DNM3: variants seen among roughly 807,000 people sequenced by gnomAD.
DNM3 encodes the protein dynamin 3, also known as dynamin-3.
A neutral mutation model predicts 101.6 loss-of-function variants in DNM3; 47 were observed. That is an observed-to-expected ratio of 0.46 (90% CI 0.37 to 0.59). The LOEUF (loss-of-function observed/expected upper bound fraction) is 0.59. Among genes scored for constraint, DNM3 ranks in the 20% least tolerant of loss-of-function variants. The pLI, the probability that DNM3 is intolerant of heterozygous loss-of-function variation, is 0.00. For missense variants in DNM3, 849 were observed against 1,085.7 expected (o/e 0.78, Z 3.06); for synonymous variants, 385 against 387.9 (o/e 0.99, Z 0.09).
chr1:172,069,629 CA>C (rs2051996784), intron 11 of DNM3, among the ~76,000 whole-genome samples: 1 of 152,136 alleles, frequency 6.6e-6, no homozygotes, highest in Non-Finnish European at 1.5e-5. Context: ...AATATTATAA[CA>C]GGAAATACAA....
At chr1:172,140,473 C>T (rs1004238140) in intron 14 of DNM3, 2 of 151,854 alleles carry the variant, frequency 1.3e-5, no homozygotes, top group African/African-American at 4.8e-5. Context: ...TAGAGTGATT[C>T]ACTTACAAAG....
intron 2 of DNM3, among the ~76,000 whole-genome samples, chr1:171,960,919 C>T (rs2043173449): frequency 2.0e-5 from 3 of 152,036 alleles, no homozygotes; most frequent in Non-Finnish European, 1.5e-5. Flanking sequence ...AGTTCTTCTG[C>T]TGAGGATGAG....
chr1:171,936,514 T>C (rs894279118), intron 2 of DNM3, among the ~76,000 whole-genome samples: 1 of 152,162 alleles, frequency 6.6e-6, no homozygotes, highest in Non-Finnish European at 1.5e-5. Context: ...TCAATGACAT[T>C]AGTATAAGAA....
chr1:172,223,202 T>C (rs1194729300), intron 14 of DNM3, among the ~76,000 whole-genome samples: 1 of 151,896 alleles, frequency 6.6e-6, no homozygotes, highest in Non-Finnish European at 1.5e-5. Context: ...ACTTTGTATC[T>C]GTTGATCTCT....
intron 18 of DNM3, among the ~76,000 whole-genome samples, chr1:172,384,424 C>T (rs1289790737): frequency 6.6e-6 from 1 of 152,132 alleles, no homozygotes; most frequent in East Asian, 1.9e-4. Flanking sequence ...TGTATTCATT[C>T]CTTCCTTTAA....
intron 13 of DNM3, among the ~76,000 whole-genome samples, chr1:172,108,190 A>G (rs971564917): frequency 6.6e-5 from 10 of 152,070 alleles, no homozygotes; most frequent in Non-Finnish European, 1.2e-4. Context: ...AGATATGTAT[A>G]TGTCTTCTAA....
At chr1:172,225,136 T>TG (rs1339195485) in intron 14 of DNM3, among the ~76,000 whole-genome samples, 3 of 119,926 alleles carry the variant, frequency 2.5e-5, no homozygotes, top group Non-Finnish European at 5.2e-5. Context: ...TTCTTCCTCT[T>TG]TTTTTTTTTT....
At chr1:172,397,856 C>T (rs950528904) in intron 20 of DNM3, among the ~76,000 whole-genome samples, 7 of 152,000 alleles carry the variant, frequency 4.6e-5, no homozygotes, top group East Asian at 1.9e-4. Context: ...GACTGAAAAA[C>T]GCATGGAGTT....
At chr1:172,118,968 A>G (rs978546942) in intron 13 of DNM3, among the ~76,000 whole-genome samples, 8 of 151,720 alleles carry the variant, frequency 5.3e-5, no homozygotes, top group African/African-American at 1.9e-4. Context: ...GGGATTGGTC[A>G]GGCTGATGTC....
intron 17 of DNM3, among the ~76,000 whole-genome samples, chr1:172,355,782 C>G (rs1393059316): frequency 6.6e-6 from 1 of 152,056 alleles, no homozygotes; most frequent in African/African-American, 2.4e-5. Flanking sequence ...GAAGGACAGG[C>G]TGTGAAGATC....
At chr1:172,256,931 AGT>A (rs1345636253) in intron 15 of DNM3, among the ~76,000 whole-genome samples, 1 of 151,256 alleles carries the variant, frequency 6.6e-6, no homozygotes, top group Non-Finnish European at 1.5e-5. Context: ...GCTATTTAAA[AGT>A]GTGTTTTACA....
At chr1:172,334,334 T>A (rs2066324267) in intron 17 of DNM3, among the ~76,000 whole-genome samples, 1 of 152,186 alleles carries the variant, frequency 6.6e-6, no homozygotes. Flanking sequence ...TCCAGGGAAC[T>A]TTTGGTAATG....
At chr1:172,169,440 G>A (rs995403756) in intron 14 of DNM3, among the ~76,000 whole-genome samples, 12 of 151,890 alleles carry the variant, frequency 7.9e-5, no homozygotes, top group East Asian at 1.9e-4. Context: ...CCTATCATTG[G>A]GCATTTAGTC....
chr1:172,166,295 A>T (rs1161942950), intron 14 of DNM3, among the ~76,000 whole-genome samples: 1 of 152,110 alleles, frequency 6.6e-6, no homozygotes, highest in African/African-American at 2.4e-5. Context: ...TAAATAGGTG[A>T]TTAGCTTTCA....
chr1:172,299,347 G>A (rs1189346698), intron 15 of DNM3, among the ~76,000 whole-genome samples: 1 of 152,208 alleles, frequency 6.6e-6, no homozygotes, highest in Admixed American at 6.5e-5. Flanking sequence ...TCTTACTTCA[G>A]AAGATCATGA....
chr1:172,206,151 A>T (rs562566348), intron 14 of DNM3, among the ~76,000 whole-genome samples: 1 of 152,210 alleles, frequency 6.6e-6, no homozygotes, highest in Admixed American at 6.6e-5. Context: ...AGTTTTGCAA[A>T]ATTCGAATTT....
chr1:172,061,079 C>CA lies in DNM3; in HGVS notation c.1336-7734dup, dbSNP rs2051150137. 3.5e-5 allele frequency among the ~76,000 whole-genome samples: 5 copies of CA among 141,708 alleles called. No individual in the cohort carries two copies. The South Asian group carries it at 1.2e-3, about 33-fold the overall frequency. The allele number at this position is 141,708 out of a possible 152,430, so 93.0% of individuals were successfully genotyped here. ...TCTCAAAAGAAGACATTTATGCAGCCAAAAAACACATGAAAAAATGCTCAT... is the reference window on the plus strand; with the variant it reads ...TCTCAAAAGAAGACATTTATGCAGCCAAAAAAACACATGAAAAAATGCTCAT... On this transcript the variant is annotated intron_variant, in intron 10 of 20. Transcript: ENST00000627582.
intron 13 of DNM3, among the ~76,000 whole-genome samples, chr1:172,117,865 A>G (rs904767541): frequency 6.6e-6 from 1 of 152,232 alleles, no homozygotes; most frequent in African/African-American, 2.4e-5. Flanking sequence ...GAAGTTGTGA[A>G]GTGTGTTCTC....
chr1:171,957,849 C>T (rs554351152), intron 2 of DNM3, among the ~76,000 whole-genome samples: 40 of 152,334 alleles, frequency 2.6e-4, no homozygotes, highest in Admixed American at 2.1e-3. Context: ...AAGTTCCAAA[C>T]TTTCCCACAT....
Sources: allele counts gnomAD v4.1 joint callset (sites outside exome capture counted in the v4.1 genomes callset), GRCh38; gene constraint gnomAD v4.1.1; transcripts MANE v1.5; gene names NCBI Gene and HGNC (gene_info 2026-07-23, HGNC 2026-07-21).